Variants in LRRC34 observed in about 807,000 individuals in gnomAD.
LRRC34 encodes the protein leucine-rich repeat-containing protein 34.
In LRRC34, 44 loss-of-function variants were observed where a neutral mutation model predicts 48.5. The observed-to-expected ratio is 0.91, with a 90% CI of 0.71 to 1.17. The LOEUF is 1.17. Ranked by LOEUF, LRRC34 falls within the 50% of genes most tolerant of loss-of-function variation. The pLI, the probability that LRRC34 is intolerant of heterozygous loss-of-function variation, is 0.00. For synonymous variants in LRRC34, 192 were observed against 197.6 expected, an observed-to-expected ratio of 0.97 and a Z score of 0.24; for missense variants, 502 against 563.0, an observed-to-expected ratio of 0.89 and a Z score of 1.10.
chr3:169,794,505 T>G (rs1298551095), intron 10 of LRRC34: 1 of 152,128 alleles, frequency 6.6e-6, no homozygotes, highest in African/African-American at 2.4e-5. Context: ...CCCTGCCTCC[T>G]GGGTTCAAGA....
At chr3:169,804,520 G>A (rs1303558016) in intron 5 of LRRC34, among the ~76,000 whole-genome samples, 1 of 152,008 alleles carries the variant, frequency 6.6e-6, no homozygotes, top group Non-Finnish European at 1.5e-5. Flanking sequence ...GGATGGTCTC[G>A]ATCTGACCTC....
chr3:169,807,455 C>T lies in LRRC34; in HGVS notation c.415G>A (p.Gly139Ser). 2 of 1,613,794 alleles carry T rather than the reference C, an allele frequency of 1.2e-6. No homozygotes were observed. Among genetic ancestry groups the T allele is most frequent in the Non-Finnish European group, 1.7e-6 (2 of 1,179,916 alleles). The change falls in exon 4 of 11, where the codon GGT (glycine) becomes AGT (serine). Residue 139 changes from glycine to serine, a missense_variant. By Grantham distance (56) the Gly-to-Ser change is moderately conservative. Coordinates refer to ENST00000446859, the MANE Select transcript of LRRC34 (RefSeq NM_001172779.2). ...DVGYNLLCDV[G>S]AYYAAKLLQK... is the part of the protein sequence containing the mutation. ...AGCAGTTTCGCAGCATAGTATGCAC[C>T]AACATCACATAGAAGGTTATATCCA...
chr3:169,807,719 TACA>T lies in LRRC34; in HGVS notation c.258-13_258-11del. 1.4e-4 allele frequency: 93 copies of T among 650,348 alleles called. No individual in the cohort carries two copies. Among genetic ancestry groups the T allele is most frequent in the South Asian group, 1.4e-3 (20 of 14,380 alleles). The allele number at this position is 650,348 out of a possible 1,614,324, so 40.3% of individuals were successfully genotyped here. ...GATTCCTGCTGCTAGCCTGTTAAAA[TACA>T]AAAAAAAAAAAAAAAAAAAAAGATT... On this transcript the variant is annotated splice_polypyrimidine_tract_variant and intron_variant, in intron 2 of 10. Coordinates refer to ENST00000446859, the MANE Select transcript of LRRC34 (RefSeq NM_001172779.2).
chr3:169,794,357 C>T, intron 10 of LRRC34: 1 of 152,330 alleles, frequency 6.6e-6, no homozygotes, highest in Middle Eastern at 3.4e-3. Flanking sequence ...CTAAAACAGA[C>T]AATTCCATAG....
chr3:169,802,687 T>C (rs1363273135), intron 6 of LRRC34, among the ~76,000 whole-genome samples: 1 of 152,110 alleles, frequency 6.6e-6, no homozygotes, highest in Non-Finnish European at 1.5e-5. Flanking sequence ...AAAAAGTTAA[T>C]CTTGGCCAGG....
intron 8 of LRRC34, 88 bp downstream of exon 8, chr3:169,796,657 T>C: frequency 7.5e-7 from 1 of 1,336,860 alleles, no homozygotes; most frequent in Non-Finnish European, 1.0e-6. Context: ...AAATAATGTC[T>C]AACAACGTAT....
Position 169,812,286 on chromosome 3 carries a change from G to GC in LRRC34, c.139+123dup, listed in dbSNP as rs1402562871. ...CTGGCCACAGCTGGGGTTCCCAGGG[G>GC]CCCCCCTCCCGCCTCGACGCCTTGG... On this transcript the variant is annotated intron_variant, in intron 1 of 10. Coordinates refer to ENST00000446859, the MANE Select transcript of LRRC34 (RefSeq NM_001172779.2). The surrounding 1 kb of genome is among the most constrained non-coding windows in gnomAD (Gnocchi z 4.3). 7.8e-6 allele frequency: 10 copies of GC among 1,282,968 alleles called. No homozygotes were observed. Among genetic ancestry groups the GC allele is most frequent in the Middle Eastern group, 2.8e-4 (1 of 3,590 alleles). 79.5% of individuals were successfully genotyped at this position (1,282,968 alleles called of 1,614,324 possible). A position where few individuals can be genotyped will look rare whatever the true frequency, so the allele number is the denominator to read the frequency against.
At chr3:169,806,797 G>A (rs745931270) in intron 5 of LRRC34, 51 bp downstream of exon 5, 33 of 1,150,300 alleles carry the variant, frequency 2.9e-5, no homozygotes, top group Middle Eastern at 2.0e-4. Flanking sequence ...CAAGCTATCA[G>A]AAGTTAGAAT....
Position 169,812,154 on chromosome 3 carries a change from A to G in LRRC34, c.139+256T>C, listed in dbSNP as rs1779602568. Among the ~76,000 whole-genome samples the G allele has an allele frequency of 6.6e-6, 1 of 151,166 alleles. No individual in the cohort carries two copies. The highest frequency in any genetic ancestry group is 2.4e-5 in the African/African-American group (1 of 40,870). On this transcript the variant is annotated intron_variant, in intron 1 of 10. Transcript: ENST00000446859. This position sits in a 1 kb window ranked among gnomAD's most constrained non-coding sequence, Gnocchi z 4.3. ...ACCATCTGCACAACCTATCGCGCAAAGGGCGGACCCACGGGAACTCCTCTC... is the reference window on the plus strand; with the variant it reads ...ACCATCTGCACAACCTATCGCGCAAGGGGCGGACCCACGGGAACTCCTCTC...
At chr3:169,804,875 C>T (rs569257260) in intron 5 of LRRC34, among the ~76,000 whole-genome samples, 5 of 152,292 alleles carry the variant, frequency 3.3e-5, no homozygotes, top group Non-Finnish European at 7.4e-5. Flanking sequence ...CAATATTGCA[C>T]AGTCATCACC....
intron 5 of LRRC34, 86 bp from the exon 6 acceptor site, chr3:169,804,267 G>T: frequency 9.0e-7 from 1 of 1,105,032 alleles, no homozygotes; most frequent in East Asian, 2.7e-5. Context: ...ATTACTATTT[G>T]CAGACTCCAA....
chr3:169,800,842 T>C, intron 6 of LRRC34, 88 bp from the exon 7 acceptor site: 4 of 819,554 alleles, frequency 4.9e-6, no homozygotes, highest in Non-Finnish European at 7.5e-6. Context: ...ATCTGCATTC[T>C]GATAAAATTG....
intron 6 of LRRC34, 141 bp downstream of exon 6, chr3:169,803,912 T>C (rs1576742147): frequency 1.7e-6 from 1 of 590,778 alleles, no homozygotes; most frequent in East Asian, 3.2e-5. Context: ...ATTAATAATC[T>C]GCACTATTAT....
At chr3:169,796,568 T>C in intron 8 of LRRC34, 177 bp downstream of exon 8, 1 of 902,730 alleles carries the variant, frequency 1.1e-6, no homozygotes, top group Non-Finnish European at 1.6e-6. Context: ...TGCTCATTTA[T>C]GTTACTAAAA....
chr3:169,809,197 TTC>T (rs141435552), intron 1 of LRRC34, among the ~76,000 whole-genome samples: 2 of 142,410 alleles, frequency 1.4e-5, no homozygotes, highest in African/African-American at 2.7e-5. Flanking sequence ...GACTCAAGGT[TTC>T]TTTTTTTTTT....
intron 7 of LRRC34, among the ~76,000 whole-genome samples, chr3:169,797,971 T>C (rs1779055675): frequency 6.6e-6 from 1 of 152,246 alleles, no homozygotes; most frequent in Non-Finnish European, 1.5e-5. Flanking sequence ...GCATTTATTA[T>C]TGTTCAATAT....
intron 9 of LRRC34, chr3:169,795,911 TTAC>T: frequency 2.6e-6 from 3 of 1,160,504 alleles, no homozygotes; most frequent in Non-Finnish European, 3.2e-6. Flanking sequence ...TAGTTCATTC[TTAC>T]TTTTAAAAGT....
intron 4 of LRRC34, 132 bp downstream of exon 4, chr3:169,807,294 G>T: frequency 3.5e-6 from 3 of 858,422 alleles, no homozygotes; most frequent in Non-Finnish European, 5.5e-6. Context: ...TGGGTTTCCA[G>T]TATATTTCGA....
intron 9 of LRRC34, chr3:169,795,935 T>C: frequency 1.7e-6 from 2 of 1,185,310 alleles, no homozygotes; most frequent in Non-Finnish European, 2.1e-6. Context: ...CTTGATCATA[T>C]TGAATGCTTC....
Sources: allele counts gnomAD v4.1 joint callset (sites outside exome capture counted in the v4.1 genomes callset), GRCh38; gene constraint gnomAD v4.1.1; non-coding constraint Gnocchi (gnomAD v3.1); transcripts MANE v1.5; gene names NCBI Gene and HGNC (gene_info 2026-07-23, HGNC 2026-07-21).